CNTN5: variants seen among roughly 807,000 people sequenced by gnomAD.
The protein encoded by CNTN5 is contactin 5.
Under a neutral mutation model 129.1 loss-of-function variants are expected in CNTN5, and 77 were observed. The ratio of observed to expected loss-of-function variants is 0.60; its 90% CI spans 0.50 to 0.72. The LOEUF (loss-of-function observed/expected upper bound fraction) is 0.72. Ranked by LOEUF, CNTN5 falls within the 30% of genes least tolerant of loss-of-function variation. The pLI, the probability that CNTN5 is intolerant of heterozygous loss-of-function variation, is 0.00. For synonymous variants in CNTN5, 509 were observed against 465.6 expected (o/e 1.09, Z -1.20); for missense variants, 1,478 against 1,328.8 (o/e 1.11, Z -1.75).
At chr11:100,322,845 A>T (rs113722498) in intron 21 of CNTN5, among the ~76,000 whole-genome samples, 2 of 152,072 alleles carry the variant, frequency 1.3e-5, no homozygotes, top group Non-Finnish European at 2.9e-5. Flanking sequence ...TGTTATGAAA[A>T]TTTTTAAAAA....
chr11:99,132,993 C>T (rs61893415), intron 1 of CNTN5, among the ~76,000 whole-genome samples: 26,385 of 151,968 alleles, frequency 0.17, 2,736 homozygotes, highest in East Asian at 0.41. Flanking sequence ...CCATGTTACC[C>T]GACTTCAAAC....
intron 6 of CNTN5, among the ~76,000 whole-genome samples, chr11:99,881,583 A>G (rs531968173): frequency 1.3e-5 from 2 of 152,188 alleles, no homozygotes; most frequent in Non-Finnish European, 2.9e-5. Flanking sequence ...GGGCTATTTA[A>G]ACATTTTAAA....
chr11:99,448,922 A>G (rs1280078463), intron 2 of CNTN5, among the ~76,000 whole-genome samples: 1 of 151,644 alleles, frequency 6.6e-6, no homozygotes, highest in African/African-American at 2.4e-5. Context: ...CTGGGACTAC[A>G]GATGCATACC....
At chr11:100,129,760 C>T (rs1446429439) in intron 13 of CNTN5, among the ~76,000 whole-genome samples, 1 of 152,068 alleles carries the variant, frequency 6.6e-6, no homozygotes, top group Non-Finnish European at 1.5e-5. Flanking sequence ...TTCATATTCA[C>T]ACTCTTTTCT....
intron 2 of CNTN5, among the ~76,000 whole-genome samples, chr11:99,539,783 T>C (rs192650989): frequency 6.6e-5 from 10 of 152,272 alleles, no homozygotes; most frequent in African/African-American, 1.9e-4. Flanking sequence ...TAAAAAGTTT[T>C]AAAGTGTTGT....
intron 2 of CNTN5, among the ~76,000 whole-genome samples, chr11:99,416,689 A>G (rs1307228508): frequency 6.6e-6 from 1 of 152,208 alleles, no homozygotes; most frequent in African/African-American, 2.4e-5. Context: ...TTACAGGGAA[A>G]GTACATTGCA....
intron 20 of CNTN5, among the ~76,000 whole-genome samples, chr11:100,300,643 T>C (rs1335179234): frequency 6.6e-6 from 1 of 151,542 alleles, no homozygotes; most frequent in Non-Finnish European, 1.5e-5. Context: ...TTAAGGAAGA[T>C]GTAGTTTTTC....
intron 10 of CNTN5, among the ~76,000 whole-genome samples, chr11:100,067,888 A>C (rs1943757470): frequency 6.6e-6 from 1 of 152,086 alleles, no homozygotes; most frequent in African/African-American, 2.4e-5. Context: ...TATTAATGTC[A>C]TTAATCATAT....
chr11:99,581,589 G>A (rs1949595285), intron 3 of CNTN5, among the ~76,000 whole-genome samples: 5 of 151,938 alleles, frequency 3.3e-5, no homozygotes. Context: ...TTATGTAATG[G>A]CCTTCTTTGT....
intron 1 of CNTN5, among the ~76,000 whole-genome samples, chr11:99,073,435 G>A (rs902587505): frequency 7.4e-6 from 1 of 135,586 alleles, no homozygotes; most frequent in African/African-American, 2.8e-5. Flanking sequence ...GAATGTGCAG[G>A]TTTGTTACAT....
At chr11:99,656,219 G>A (rs1289539248) in intron 3 of CNTN5, among the ~76,000 whole-genome samples, 1 of 151,952 alleles carries the variant, frequency 6.6e-6, no homozygotes, top group Non-Finnish European at 1.5e-5. Flanking sequence ...TGTAAGGTAT[G>A]AAAAAGAGAT....
At chr11:100,223,825 A>T (rs969779470) in intron 15 of CNTN5, among the ~76,000 whole-genome samples, 7 of 152,180 alleles carry the variant, frequency 4.6e-5, no homozygotes, top group African/African-American at 1.7e-4. Flanking sequence ...GTTATTGTAA[A>T]TATCAACCAG....
intron 3 of CNTN5, among the ~76,000 whole-genome samples, chr11:99,771,970 C>T (rs1192064219): frequency 6.6e-6 from 1 of 151,152 alleles, no homozygotes; most frequent in African/African-American, 2.4e-5. Flanking sequence ...GAAAAAAAAA[C>T]CTGAAAAAAA....
intron 1 of CNTN5, among the ~76,000 whole-genome samples, chr11:99,184,802 A>T: frequency 6.6e-6 from 1 of 152,102 alleles, no homozygotes; most frequent in East Asian, 1.9e-4. Context: ...TCCCAGCCCT[A>T]TACCTAAAAA....
chr11:100,201,115 A>T (rs1591386455), intron 15 of CNTN5, among the ~76,000 whole-genome samples: 1 of 151,958 alleles, frequency 6.6e-6, no homozygotes, highest in Non-Finnish European at 1.5e-5. Context: ...TTGACAGTAA[A>T]GTCAATCCGA....
At chr11:99,397,643 C>G (rs977602942) in intron 2 of CNTN5, among the ~76,000 whole-genome samples, 18 of 151,808 alleles carry the variant, frequency 1.2e-4, no homozygotes, top group African/African-American at 4.3e-4. Flanking sequence ...AGAGCTCTTT[C>G]AGATAAATTC....
intron 3 of CNTN5, among the ~76,000 whole-genome samples, chr11:99,564,534 ACT>A (rs1408126047): frequency 6.6e-6 from 1 of 152,130 alleles, no homozygotes; most frequent in African/African-American, 2.4e-5. Context: ...GAACTTTAAA[ACT>A]CTGTAAATTA....
rs1319650273 is a variant in CNTN5 at position 100,151,580 on chromosome 11, T to TAGGTTTC, written c.1581-39545_1581-39539dup. Among the ~76,000 whole-genome samples, 10 of 152,174 alleles carry TAGGTTTC rather than the reference T, an allele frequency of 6.6e-5. No individual in the cohort carries two copies. In the East Asian group the frequency reaches 1.2e-3, roughly 18 times the overall value. On this transcript the variant is annotated intron_variant, in intron 13 of 24. Coordinates refer to ENST00000524871, the MANE Select transcript of CNTN5 (RefSeq NM_014361.4). ...GCAAGCAACCCGGTACATCGACTTA[T>TAGGTTTC]AGGTTTCCCTACGTTAATTTGAACA...
intron 3 of CNTN5, among the ~76,000 whole-genome samples, chr11:99,621,975 C>T (rs1950965305): frequency 6.6e-6 from 1 of 152,130 alleles, no homozygotes; most frequent in South Asian, 2.1e-4. Flanking sequence ...AATTCTCTAA[C>T]ATCATGGATA....
Sources: allele counts gnomAD v4.1 joint callset (sites outside exome capture counted in the v4.1 genomes callset), GRCh38; gene constraint gnomAD v4.1.1; transcripts MANE v1.5; gene names NCBI Gene and HGNC (gene_info 2026-07-23, HGNC 2026-07-21).